NEK1: variants seen among roughly 807,000 people sequenced by gnomAD.
NEK1 encodes serine/threonine-protein kinase Nek1.
A neutral mutation model predicts 182.1 loss-of-function variants in NEK1; 137 were observed. The observed-to-expected ratio is 0.75, with a 90% CI of 0.65 to 0.87. NEK1 has a LOEUF of 0.87. Among genes scored for constraint, NEK1 ranks in the 40% least tolerant of loss-of-function variants. The pLI is 0.00. For missense variants in NEK1, 1,391 were observed against 1,494.4 expected, an observed-to-expected ratio of 0.93 and a Z score of 1.14; for synonymous variants, 513 against 492.2, an observed-to-expected ratio of 1.04 and a Z score of -0.56.
chr4:169,510,942 C>T (rs990265577), intron 19 of NEK1, among the ~76,000 whole-genome samples: 2 of 152,090 alleles, frequency 1.3e-5, no homozygotes, highest in African/African-American at 2.4e-5. Context: ...ACCTTCCATA[C>T]CATTTCTTTA....
chr4:169,530,212 C>T (rs1757461570), intron 19 of NEK1, among the ~76,000 whole-genome samples: 1 of 152,186 alleles, frequency 6.6e-6, no homozygotes, highest in South Asian at 2.1e-4. Flanking sequence ...ATACATGCAA[C>T]AACTTGCATG....
chr4:169,486,914 C>T (rs988511807), intron 23 of NEK1, among the ~76,000 whole-genome samples: 1 of 152,160 alleles, frequency 6.6e-6, no homozygotes. Flanking sequence ...AACATTGCTA[C>T]CCTTTTAAAA....
At chr4:169,565,649 A>T (rs1277661389) in intron 12 of NEK1, among the ~76,000 whole-genome samples, 1 of 152,244 alleles carries the variant, frequency 6.6e-6, no homozygotes, top group Non-Finnish European at 1.5e-5. Context: ...TACATGCTAC[A>T]ACATAGATCA....
chr4:169,453,414 A>C (rs1241157322), intron 27 of NEK1, among the ~76,000 whole-genome samples: 1 of 152,202 alleles, frequency 6.6e-6, no homozygotes, highest in Non-Finnish European at 1.5e-5. Context: ...TTCAAACTAT[A>C]CTACAATGTT....
chr4:169,590,772 T>G lies in NEK1; in HGVS notation c.350A>C (p.Lys117Thr). The change falls in exon 6 of 36, where the codon AAA (lysine) becomes ACA (threonine). Residue 117 changes from lysine (K) to threonine (T), a missense_variant. Transcript: ENST00000507142. ...DWFVQICLAL[K>T]HVHDRKILHR... ...AAGAATTTTTCTATCATGTACATGT[T>G]TCAGGGCCAAACATATCTGTACAAA... The G allele has an allele frequency of 1.2e-6, 2 of 1,600,100 alleles. No individual in the cohort carries two copies. Among genetic ancestry groups the G allele is most frequent in the Non-Finnish European group, 1.7e-6 (2 of 1,172,646 alleles).
chr4:169,585,321 G>GT (rs1767353411), intron 10 of NEK1, 28 bp downstream of exon 10: 21 of 1,573,838 alleles, frequency 1.3e-5, no homozygotes, highest in Non-Finnish European at 1.8e-5. Context: ...TAACCCTACT[G>GT]TTTAATTTTA....
chr4:169,601,099 A>G (rs892237184), intron 4 of NEK1, among the ~76,000 whole-genome samples: 2 of 152,200 alleles, frequency 1.3e-5, no homozygotes, highest in Admixed American at 1.3e-4. Context: ...ATAAATCTTC[A>G]TTTCACTGCC....
chr4:169,426,241 C>T lies in NEK1; in HGVS notation c.2886-7G>A, dbSNP rs1653184008. The T allele has an allele frequency of 1.2e-6, 2 of 1,610,218 alleles. No homozygotes were observed. Among genetic ancestry groups the T allele is most frequent in the South Asian group, 2.2e-5 (2 of 90,446 alleles). On this transcript the variant is annotated splice_region_variant and splice_polypyrimidine_tract_variant and intron_variant, in intron 29 of 35. Coordinates refer to ENST00000507142, the MANE Select transcript of NEK1 (RefSeq NM_001199397.3). The stretch of plus-strand genomic sequence containing the variant: ...GGTGATCCTATCTGCCGACCTGCCA[C>T]AGATGGGTACACCAATTAAAAACAC...
intron 31 of NEK1, among the ~76,000 whole-genome samples, chr4:169,416,284 TA>T: frequency 6.6e-6 from 1 of 152,244 alleles, no homozygotes. Context: ...AGGACAGACT[TA>T]ATCATTTCCT....
At chr4:169,549,649 C>CT (rs1761117292) in intron 18 of NEK1, among the ~76,000 whole-genome samples, 1 of 152,156 alleles carries the variant, frequency 6.6e-6, no homozygotes, top group Admixed American at 6.5e-5. Flanking sequence ...TCTTGAACTC[C>CT]TGACCTCAGG....
intron 12 of NEK1, among the ~76,000 whole-genome samples, chr4:169,568,171 G>A (rs999661289): frequency 4.6e-5 from 7 of 152,120 alleles, no homozygotes; most frequent in African/African-American, 1.7e-4. Context: ...AAGTCCACTC[G>A]AGCGTGTATT....
At chr4:169,590,887 C>A in intron 5 of NEK1, 78 bp from the exon 6 acceptor site, 1 of 917,278 alleles carries the variant, frequency 1.1e-6, no homozygotes, top group Non-Finnish European at 1.7e-6. Context: ...ATGAGAGGAA[C>A]TAAATCCTTA....
At chr4:169,515,232 G>A (rs1348906217) in intron 19 of NEK1, among the ~76,000 whole-genome samples, 1 of 152,098 alleles carries the variant, frequency 6.6e-6, no homozygotes, top group African/African-American at 2.4e-5. Flanking sequence ...AATTTTTGAT[G>A]GGTGCTTAAA....
At chr4:169,498,425 G>A (rs1751775826) in intron 23 of NEK1, among the ~76,000 whole-genome samples, 1 of 152,162 alleles carries the variant, frequency 6.6e-6, no homozygotes, top group African/African-American at 2.4e-5. Context: ...ATATTGTTAT[G>A]TGTGAATTTG....
intron 28 of NEK1, among the ~76,000 whole-genome samples, chr4:169,437,592 T>C (rs1042824892): frequency 6.6e-6 from 1 of 152,212 alleles, no homozygotes; most frequent in Admixed American, 6.5e-5. Flanking sequence ...GAGTACAAGC[T>C]GCTTTCACCT....
intron 26 of NEK1, among the ~76,000 whole-genome samples, chr4:169,473,069 G>A (rs1034886716): frequency 6.6e-6 from 1 of 150,498 alleles, no homozygotes; most frequent in African/African-American, 2.5e-5. Context: ...AAGCAGCCTG[G>A]TTAACATAGT....
At chr4:169,539,877 A>G (rs893198183) in intron 18 of NEK1, among the ~76,000 whole-genome samples, 6 of 152,148 alleles carry the variant, frequency 3.9e-5, no homozygotes, top group African/African-American at 1.4e-4. Context: ...TTGACTTCCC[A>G]TCTTAAGATG....
At chr4:169,588,600 A>T in intron 8 of NEK1, 49 bp downstream of exon 8, 1 of 1,148,320 alleles carries the variant, frequency 8.7e-7, no homozygotes, top group Non-Finnish European at 1.3e-6. Flanking sequence ...ACATGACAAC[A>T]AAAAAATTGA....
At chr4:169,586,786 T>C (rs147874984) in intron 9 of NEK1, among the ~76,000 whole-genome samples, 1 of 152,032 alleles carries the variant, frequency 6.6e-6, no homozygotes, top group East Asian at 1.9e-4. Flanking sequence ...AGAAAAAATA[T>C]TCCCCAAATA....
Sources: allele counts gnomAD v4.1 joint callset (sites outside exome capture counted in the v4.1 genomes callset), GRCh38; gene constraint gnomAD v4.1.1; transcripts MANE v1.5; gene names NCBI Gene and HGNC (gene_info 2026-07-23, HGNC 2026-07-21).